Variants in ANKRD30B observed in about 807,000 individuals in gnomAD.
ANKRD30B encodes ankyrin repeat domain 30B.
A neutral mutation model predicts 202.2 loss-of-function variants in ANKRD30B; 144 were observed. The observed-to-expected ratio is 0.71, with a 90% CI of 0.62 to 0.82. The LOEUF (loss-of-function observed/expected upper bound fraction) is 0.82, where lower values mean the gene tolerates loss of function less well. Ranked by LOEUF, ANKRD30B falls within the 40% of genes least tolerant of loss-of-function variation. The probability of loss-of-function intolerance (pLI) is 0.00; values close to 1 mark genes in which losing one functional copy is unlikely to be tolerated. For missense variants in ANKRD30B, 1,487 were observed against 1,669.1 expected, an observed-to-expected ratio of 0.89 and a Z score of 1.90; for synonymous variants, 508 against 561.3, an observed-to-expected ratio of 0.91 and a Z score of 1.34.
At chr18:14,910,390 C>G in the ANKRD30B span, among the ~76,000 whole-genome samples, 1 of 151,890 alleles carries the variant, frequency 6.6e-6, no homozygotes, top group Non-Finnish European at 1.5e-5. Context: ...CCAGTTTCAT[C>G]TACGTTCCTA....
At chr18:14,756,643 C>T (rs1361756921) in intron 4 of ANKRD30B, among the ~76,000 whole-genome samples, 1 of 152,152 alleles carries the variant, frequency 6.6e-6, no homozygotes, top group Non-Finnish European at 1.5e-5. Context: ...CCTGTTATCC[C>T]AGCAGTTTGG....
In ANKRD30B at chr18:14,755,101, A is replaced by G. The variant is rs1330349508; in HGVS notation, c.617+96A>G. 9 of 695,848 alleles carry G rather than the reference A, an allele frequency of 1.3e-5. No individual in the cohort carries two copies. The African/African-American group carries it at 1.7e-4, about 13-fold the overall frequency. The allele number at this position is 695,848 out of a possible 1,614,324, so 43.1% of individuals were successfully genotyped here. On this transcript the variant is annotated intron_variant, in intron 4 of 43. Transcript: ENST00000690538. The stretch of plus-strand genomic sequence containing the variant: ...AATATTAAATTAACAACATTTAGTT[A>G]AAATTATTAGATTATAGTGAAACAT...
chr18:14,912,345 T>C, the ANKRD30B span, among the ~76,000 whole-genome samples: 5 of 152,340 alleles, frequency 3.3e-5, no homozygotes, highest in East Asian at 3.9e-4. Flanking sequence ...CTGAATTTTA[T>C]TGAAGTATTT....
At chr18:14,884,960 T>C in the ANKRD30B span, among the ~76,000 whole-genome samples, 1 of 152,080 alleles carries the variant, frequency 6.6e-6, no homozygotes, top group African/African-American at 2.4e-5. Flanking sequence ...CTGACAACAA[T>C]GCTCAAATAG....
chr18:14,879,329 C>A, the ANKRD30B span, among the ~76,000 whole-genome samples: 1 of 152,262 alleles, frequency 6.6e-6, no homozygotes, highest in Non-Finnish European at 1.5e-5. Flanking sequence ...ACACCACAGC[C>A]TCGGAAGACA....
the ANKRD30B span, among the ~76,000 whole-genome samples, chr18:14,936,081 G>T: frequency 1.3e-4 from 20 of 152,208 alleles, no homozygotes; most frequent in African/African-American, 3.9e-4. Flanking sequence ...CTGAGTGTGG[G>T]TAGGCTGCAG....
chr18:14,767,413 C>T (rs2045197268), intron 7 of ANKRD30B, among the ~76,000 whole-genome samples: 1 of 152,076 alleles, frequency 6.6e-6, no homozygotes, highest in African/African-American at 2.4e-5. Flanking sequence ...AAGAATAACT[C>T]ATGATAAAAT....
chr18:14,916,790 C>T, the ANKRD30B span, among the ~76,000 whole-genome samples: 2 of 152,098 alleles, frequency 1.3e-5, no homozygotes, highest in Admixed American at 1.3e-4. Flanking sequence ...TATTGCCGAC[C>T]CTGGGTGTTA....
intron 30 of ANKRD30B, among the ~76,000 whole-genome samples, chr18:14,819,913 G>A (rs1970323925): frequency 6.6e-6 from 1 of 152,122 alleles, no homozygotes; most frequent in Admixed American, 6.5e-5. Flanking sequence ...GTCATTGGTA[G>A]CTTGATGGGG....
At chr18:14,788,739 G>T (rs2143907153) in intron 15 of ANKRD30B, among the ~76,000 whole-genome samples, 1 of 151,838 alleles carries the variant, frequency 6.6e-6, no homozygotes, top group East Asian at 1.9e-4. Flanking sequence ...ATTTTTTATG[G>T]CTGCATAGTA....
the ANKRD30B span, among the ~76,000 whole-genome samples, chr18:14,909,466 G>A: frequency 6.6e-6 from 1 of 152,160 alleles, no homozygotes; most frequent in Non-Finnish European, 1.5e-5. Flanking sequence ...GGAGTGCAGT[G>A]GTGTGATCTC....
chr18:14,880,504 T>C, the ANKRD30B span, among the ~76,000 whole-genome samples: 2 of 152,012 alleles, frequency 1.3e-5, no homozygotes, highest in African/African-American at 2.4e-5. Flanking sequence ...GTTCTACCCA[T>C]CCAAGAGCAT....
At chr18:14,888,970 T>G in the ANKRD30B span, 8 of 607,984 alleles carry the variant, frequency 1.3e-5, no homozygotes, top group South Asian at 1.0e-4. Flanking sequence ...AAACGAAGAG[T>G]AAGCAGGTAA....
At chr18:14,840,532 A>G in intron 36 of ANKRD30B, 56 bp from the exon 37 acceptor site, 1 of 988,476 alleles carries the variant, frequency 1.0e-6, no homozygotes, top group South Asian at 3.0e-5. Flanking sequence ...ATCTCAGAAA[A>G]ACAAAATTAA....
chr18:14,885,811 G>A, the ANKRD30B span, among the ~76,000 whole-genome samples: 53 of 151,714 alleles, frequency 3.5e-4, 1 homozygote, highest in South Asian at 0.011. Flanking sequence ...TTTATATTAT[G>A]GCTTATGTCA....
intron 30 of ANKRD30B, among the ~76,000 whole-genome samples, chr18:14,822,006 A>G (rs1397242997): frequency 6.6e-6 from 1 of 152,100 alleles, no homozygotes; most frequent in Non-Finnish European, 1.5e-5. Context: ...TTCTTAAATT[A>G]CAGGACAAAT....
chr18:14,795,497 T>C (rs1041483177), intron 16 of ANKRD30B, among the ~76,000 whole-genome samples: 1 of 152,212 alleles, frequency 6.6e-6, no homozygotes, highest in Non-Finnish European at 1.5e-5. Flanking sequence ...CCACCTGGAC[T>C]GTATTAGTTT....
At chr18:14,879,725 G>T in the ANKRD30B span, among the ~76,000 whole-genome samples, 2 of 149,870 alleles carry the variant, frequency 1.3e-5, no homozygotes, top group Non-Finnish European at 3.0e-5. Context: ...AGGGGTTAGG[G>T]TTAAGGGTCC....
rs115243750 is a variant in ANKRD30B, at chr18:14,786,986, A to G, written c.1673-53A>G. 4,686 of 1,546,880 alleles carry G rather than the reference A, an allele frequency of 3.0e-3. 144 individuals carry two copies. The African/African-American group carries it at 0.058, about 19-fold the overall frequency. ...AAGTAGACTTGTGTATGTTTTTAAAATTTATAGTAGAGAAATGTTCTCATG... is the reference window on the plus strand; with the variant it reads ...AAGTAGACTTGTGTATGTTTTTAAAGTTTATAGTAGAGAAATGTTCTCATG... On this transcript the variant is annotated intron_variant, in intron 14 of 43. Coordinates refer to ENST00000690538, the MANE Select transcript of ANKRD30B (RefSeq NM_001367607.2).
Sources: gnomAD v4.1 joint callset for allele counts (sites outside exome capture counted in the v4.1 genomes callset) on GRCh38, gnomAD v4.1.1 for gene constraint, MANE v1.5 for transcripts, NCBI Gene and HGNC (gene_info 2026-07-23, HGNC 2026-07-21) for gene names.